CNTN4: variants seen among roughly 807,000 people sequenced by gnomAD.
The protein encoded by CNTN4 is contactin 4.
CNTN4 carries 77 observed loss-of-function variants against 122.5 expected under a neutral mutation model. That is an observed-to-expected ratio of 0.63 (90% CI 0.52 to 0.76). The LOEUF (loss-of-function observed/expected upper bound fraction) is 0.76. Ranked by LOEUF, CNTN4 falls within the 30% of genes least tolerant of loss-of-function variation. The pLI, the probability that CNTN4 is intolerant of heterozygous loss-of-function variation, is 0.00. For synonymous variants in CNTN4, 512 were observed against 447.0 expected, an observed-to-expected ratio of 1.15 and a Z score of -1.83; for missense variants, 1,256 against 1,259.1, an observed-to-expected ratio of 1.00 and a Z score of 0.04.
intron 3 of CNTN4, among the ~76,000 whole-genome samples, chr3:2,416,166 T>C (rs1379973778): frequency 6.6e-6 from 1 of 152,114 alleles, no homozygotes; most frequent in Non-Finnish European, 1.5e-5. Flanking sequence ...AATAGAACTT[T>C]TAAAATAAGT....
chr3:2,243,517 A>AT (rs11425560), intron 2 of CNTN4, among the ~76,000 whole-genome samples: 16,737 of 151,236 alleles, frequency 0.11, 1,320 homozygotes, highest in African/African-American at 0.22. Context: ...TTGTTTTGTG[A>AT]TTTTTTTTTA....
intron 3 of CNTN4, among the ~76,000 whole-genome samples, chr3:2,481,033 T>TTTCTTTC (rs2075979022): frequency 5.8e-5 from 7 of 120,078 alleles, no homozygotes; most frequent in Admixed American, 7.9e-5. Flanking sequence ...TTTCTTTTTC[T>TTTCTTTC]TTTCTTTCTT....
chr3:2,483,191 A>G (rs2076055931), intron 3 of CNTN4, among the ~76,000 whole-genome samples: 1 of 152,188 alleles, frequency 6.6e-6, no homozygotes, highest in South Asian at 2.1e-4. Flanking sequence ...CATGGGAGTT[A>G]AAGGAGATCA....
intron 2 of CNTN4, among the ~76,000 whole-genome samples, chr3:2,280,573 C>T (rs1200835137): frequency 6.6e-6 from 1 of 152,082 alleles, no homozygotes; most frequent in Non-Finnish European, 1.5e-5. Flanking sequence ...TGCTCTTGAC[C>T]AATACATTGA....
chr3:2,506,057 A>G (rs1334183471), intron 3 of CNTN4, among the ~76,000 whole-genome samples: 6 of 152,066 alleles, frequency 3.9e-5, no homozygotes, highest in Admixed American at 1.3e-4. Context: ...CTTAACAAAT[A>G]TAGAACATTT....
intron 14 of CNTN4, among the ~76,000 whole-genome samples, chr3:3,011,838 C>G (rs185389661): frequency 1.2e-4 from 18 of 152,068 alleles, no homozygotes; most frequent in African/African-American, 4.3e-4. Context: ...TCCTCTGAAG[C>G]TTCCTGCACT....
chr3:2,641,749 G>A (rs775630785), intron 4 of CNTN4, among the ~76,000 whole-genome samples: 7 of 152,150 alleles, frequency 4.6e-5, no homozygotes, highest in Admixed American at 1.3e-4. Flanking sequence ...TTTAAATTTT[G>A]TTCTTTGCTG....
chr3:2,409,286 C>G (rs371648720), intron 3 of CNTN4, among the ~76,000 whole-genome samples: 2 of 141,802 alleles, frequency 1.4e-5, no homozygotes. Context: ...CTCGCTCTGT[C>G]GCCCAGGCTG....
chr3:2,413,058 A>AGGATTCCATATGATTCTG (rs2047284955), intron 3 of CNTN4, among the ~76,000 whole-genome samples: 1 of 152,206 alleles, frequency 6.6e-6, no homozygotes, highest in Non-Finnish European at 1.5e-5. Context: ...ATATGATTCT[A>AGGATTCCATATGATTCTG]CAGGATTCCA....
intron 4 of CNTN4, among the ~76,000 whole-genome samples, chr3:2,724,835 C>T (rs1318832427): frequency 5.3e-5 from 8 of 152,018 alleles, no homozygotes; most frequent in Admixed American, 3.3e-4. Context: ...TATGACTGAA[C>T]GTAGAAAGGG....
chr3:2,341,334 G>C (rs749475271), intron 3 of CNTN4, among the ~76,000 whole-genome samples: 1 of 152,124 alleles, frequency 6.6e-6, no homozygotes, highest in Non-Finnish European at 1.5e-5. Flanking sequence ...GTAATTGCTA[G>C]CTTAATTATC....
Position 2,385,319 on chromosome 3 carries a change from G to A in CNTN4, c.-89+46086G>A, listed in dbSNP as rs1167932108. ...AAAACTCTCCCAACAAACAATACCT[G>A]TTTATAGTTTTGTTTATATTACTCT... is the stretch of plus-strand genomic sequence containing the variant. On this transcript the variant is annotated intron_variant, in intron 3 of 24. Transcript: ENST00000418658. This position sits in a 1 kb window ranked among gnomAD's most constrained non-coding sequence, Gnocchi z 4.0. 6.6e-6 allele frequency among the ~76,000 whole-genome samples: 1 copy of A among 151,396 alleles called. No homozygotes were observed. The highest frequency in any genetic ancestry group is 1.5e-5 in the Non-Finnish European group (1 of 67,946).
chr3:2,579,277 A>G (rs1464331606), intron 4 of CNTN4, among the ~76,000 whole-genome samples: 5 of 152,236 alleles, frequency 3.3e-5, no homozygotes, highest in African/African-American at 7.2e-5. Context: ...AAAACCAGAC[A>G]AGTGAAAATC....
intron 4 of CNTN4, among the ~76,000 whole-genome samples, chr3:2,719,226 A>G (rs555055978): frequency 2.3e-4 from 35 of 152,256 alleles, no homozygotes; most frequent in Admixed American, 1.2e-3. Flanking sequence ...ATGAATGATT[A>G]AGGAACAATT....
intron 15 of CNTN4, among the ~76,000 whole-genome samples, chr3:3,028,186 AGTT>A (rs1698888003): frequency 6.6e-6 from 1 of 152,148 alleles, no homozygotes; most frequent in Non-Finnish European, 1.5e-5. Context: ...GTTTTATAAA[AGTT>A]ATTATTTCAT....
At chr3:2,458,916 C>T (rs891850289) in intron 3 of CNTN4, among the ~76,000 whole-genome samples, 12 of 152,138 alleles carry the variant, frequency 7.9e-5, no homozygotes, top group African/African-American at 1.2e-4. Context: ...TTGGATCTTT[C>T]GTCTGTACAT....
intron 4 of CNTN4, among the ~76,000 whole-genome samples, chr3:2,643,993 C>T (rs552772388): frequency 6.6e-6 from 1 of 152,278 alleles, no homozygotes; most frequent in East Asian, 1.9e-4. Flanking sequence ...CAGATTAAGG[C>T]CACAGTCTGA....
At chr3:2,651,791 C>T (rs1446245896) in intron 4 of CNTN4, among the ~76,000 whole-genome samples, 1 of 151,808 alleles carries the variant, frequency 6.6e-6, no homozygotes, top group Non-Finnish European at 1.5e-5. Context: ...CAACCTCCAC[C>T]TCCCTGGTTC....
intron 3 of CNTN4, among the ~76,000 whole-genome samples, chr3:2,472,020 T>G (rs2075700055): frequency 2.0e-5 from 3 of 152,004 alleles, no homozygotes; most frequent in Non-Finnish European, 4.4e-5. Flanking sequence ...ACTCTTGAGT[T>G]TAAAAATGTT....
Sources: allele counts gnomAD v4.1 joint callset (sites outside exome capture counted in the v4.1 genomes callset), GRCh38; gene constraint gnomAD v4.1.1; non-coding constraint Gnocchi (gnomAD v3.1); transcripts MANE v1.5; gene names NCBI Gene and HGNC (gene_info 2026-07-23, HGNC 2026-07-21).